Variants in FOXO1 observed in about 807,000 individuals in gnomAD.
FOXO1 encodes the protein forkhead box O1.
In FOXO1, 6 loss-of-function variants were observed where a neutral mutation model predicts 44.1. The observed-to-expected ratio is 0.14, with a 90% CI of 0.07 to 0.27. FOXO1 has a LOEUF of 0.27. Among genes scored for constraint, FOXO1 ranks in the 10% least tolerant of loss-of-function variants. FOXO1 has a pLI of 1.00. For missense variants in FOXO1, 737 were observed against 888.8 expected (o/e 0.83, Z 2.17); for synonymous variants, 380 against 362.7 (o/e 1.05, Z -0.54).
chr13:40,639,185 G>A (rs1473398962), intron 1 of FOXO1, among the ~76,000 whole-genome samples: 1 of 151,926 alleles, frequency 6.6e-6, no homozygotes, highest in Non-Finnish European at 1.5e-5. Context: ...GGCAACAAGA[G>A]GGAAACTCTG....
intron 1 of FOXO1, among the ~76,000 whole-genome samples, chr13:40,613,367 T>C (rs1876303692): frequency 6.6e-6 from 1 of 152,208 alleles, no homozygotes; most frequent in Non-Finnish European, 1.5e-5. Context: ...CCCTTTACAA[T>C]CTGCTTCTCC....
At position 40,558,826 on chromosome 13, in the gene FOXO1, C is replaced by T. The variant is rs1239172990; in HGVS notation, c.*223G>A. Reference sequence around the variant, plus strand: ...TTTCCAATGGCACAGTCCTTATCTACAGCAGCACATAACCTGCACACATTG... The same window carrying T: ...TTTCCAATGGCACAGTCCTTATCTATAGCAGCACATAACCTGCACACATTG... On this transcript the variant is annotated 3_prime_UTR_variant, in exon 3 of 3. Coordinates refer to ENST00000379561, the MANE Select transcript of FOXO1 (RefSeq NM_002015.4). 3 of 398,622 alleles carry T rather than the reference C, an allele frequency of 7.5e-6. No individual in the cohort carries two copies. The highest frequency in any genetic ancestry group is 3.6e-5 in the East Asian group (1 of 28,060). 24.7% of individuals were successfully genotyped at this position (398,622 alleles called of 1,614,324 possible). A position where few individuals can be genotyped will look rare whatever the true frequency, so the allele number is the denominator to read the frequency against.
intron 1 of FOXO1, among the ~76,000 whole-genome samples, chr13:40,628,941 C>T (rs538956000): frequency 1.3e-5 from 2 of 152,230 alleles, no homozygotes; most frequent in Non-Finnish European, 1.5e-5. Context: ...TTTACAAGTG[C>T]ATCTCGGGAA....
rs540305258 is a variant in FOXO1 at position 40,662,414 on chromosome 13, C to G, written c.630+3169G>C. ...AGGCTTTCTATGTGAAAAAACAGGTCATGGAAATGAAGTTTCATTATTTAT... is the reference window on the plus strand; with the variant it reads ...AGGCTTTCTATGTGAAAAAACAGGTGATGGAAATGAAGTTTCATTATTTAT... On this transcript the variant is annotated intron_variant, in intron 1 of 2. Transcript: ENST00000379561. 2.0e-5 allele frequency among the ~76,000 whole-genome samples: 3 copies of G among 152,102 alleles called. No individual in the cohort carries two copies. In the East Asian group the frequency reaches 5.8e-4, roughly 29 times the overall value.
At chr13:40,642,251 T>C (rs1475183321) in intron 1 of FOXO1, among the ~76,000 whole-genome samples, 12 of 152,168 alleles carry the variant, frequency 7.9e-5, no homozygotes, top group Non-Finnish European at 4.4e-5. Context: ...CTATAGATTT[T>C]TTTCACATTC....
intron 1 of FOXO1, among the ~76,000 whole-genome samples, chr13:40,580,115 A>C (rs1274345365): frequency 6.6e-6 from 1 of 152,162 alleles, no homozygotes; most frequent in Non-Finnish European, 1.5e-5. Context: ...AAGAAAGAGC[A>C]TTTTACCTTT....
At chr13:40,630,611 C>T (rs1039670787) in intron 1 of FOXO1, among the ~76,000 whole-genome samples, 16 of 151,250 alleles carry the variant, frequency 1.1e-4, no homozygotes, top group East Asian at 9.7e-4. Flanking sequence ...GCCGAGATCG[C>T]GCCACTGCAC....
At chr13:40,591,482 C>A (rs1875367536) in intron 1 of FOXO1, among the ~76,000 whole-genome samples, 1 of 152,102 alleles carries the variant, frequency 6.6e-6, no homozygotes, top group Non-Finnish European at 1.5e-5. Context: ...TACAAAGCAG[C>A]CAGAGGCCCA....
chr13:40,660,948 A>AAACAAC lies in FOXO1; in HGVS notation c.630+4629_630+4634dup, dbSNP rs138057018. ...AACAGAGTGAGACCCTGGCTCAGAA[A>AAACAAC]AACAACAACAACAACAACAACAACA... On this transcript the variant is annotated intron_variant, in intron 1 of 2. Coordinates refer to ENST00000379561, the MANE Select transcript of FOXO1 (RefSeq NM_002015.4). Among the ~76,000 whole-genome samples the AAACAAC allele has an allele frequency of 8.4e-3, 1,255 of 149,398 alleles. 12 individuals carry two copies. The highest frequency in any genetic ancestry group is 0.027 in the Middle Eastern group (8 of 294).
chr13:40,577,064 T>C (rs1408337232), intron 1 of FOXO1, among the ~76,000 whole-genome samples: 1 of 152,198 alleles, frequency 6.6e-6, no homozygotes, highest in African/African-American at 2.4e-5. Context: ...CATTAGTCAG[T>C]ACCCTGGTGG....
intron 1 of FOXO1, among the ~76,000 whole-genome samples, chr13:40,628,701 G>A (rs374265161): frequency 6.6e-6 from 1 of 152,192 alleles, no homozygotes; most frequent in African/African-American, 2.4e-5. Context: ...AGAAGCAGAT[G>A]AGACCTGGTG....
chr13:40,614,884 G>A (rs1876366602), intron 1 of FOXO1, among the ~76,000 whole-genome samples: 1 of 152,146 alleles, frequency 6.6e-6, no homozygotes, highest in Non-Finnish European at 1.5e-5. Context: ...CTCCTGAAAG[G>A]CTCATCCCTT....
rs544376335 is a variant in FOXO1 at position 40,575,925 on chromosome 13, C to G, written c.631-15065G>C. 1.5e-4 allele frequency among the ~76,000 whole-genome samples: 23 copies of G among 152,338 alleles called. 1 individual carries two copies. In the East Asian group the frequency reaches 4.4e-3, roughly 29 times the overall value. Reference sequence around the variant, plus strand: ...TGGGAATTCTTGAGGTAGGGCAGAGCATGAACCAATGTTGACAGACAAACT... The same window carrying G: ...TGGGAATTCTTGAGGTAGGGCAGAGGATGAACCAATGTTGACAGACAAACT... On this transcript the variant is annotated intron_variant, in intron 1 of 2. Transcript: ENST00000379561.
At chr13:40,603,923 T>G (rs1236680649) in intron 1 of FOXO1, among the ~76,000 whole-genome samples, 1 of 152,220 alleles carries the variant, frequency 6.6e-6, no homozygotes, top group East Asian at 1.9e-4. Context: ...AGAGCTTAGC[T>G]TTAGCAGTCA....
At chr13:40,580,389 A>ACTAGTGGC (rs1264125024) in intron 1 of FOXO1, among the ~76,000 whole-genome samples, 1 of 152,166 alleles carries the variant, frequency 6.6e-6, no homozygotes, top group Non-Finnish European at 1.5e-5. Context: ...TTTACACAAA[A>ACTAGTGGC]CTAGTGGCTG....
chr13:40,643,627 A>C (rs866454517), intron 1 of FOXO1, among the ~76,000 whole-genome samples: 1 of 152,202 alleles, frequency 6.6e-6, no homozygotes, highest in African/African-American at 2.4e-5. Flanking sequence ...CTACACAATT[A>C]CTAGGAATGC....
Position 40,595,721 on chromosome 13 carries a change from C to T in FOXO1, c.631-34861G>A, listed in dbSNP as rs193043942. Among the ~76,000 whole-genome samples, 223 of 152,202 alleles carry T rather than the reference C, an allele frequency of 1.5e-3. 1 individual carries two copies. Among genetic ancestry groups the T allele is most frequent in the Non-Finnish European group, 2.7e-3 (184 of 68,016 alleles). ...TGAACACAGAATCTCCATCCTTGAA[C>T]GGTTAACAAAATGACCCACCCTGAT... On this transcript the variant is annotated intron_variant, in intron 1 of 2. Transcript: ENST00000379561.
chr13:40,656,261 A>G (rs1236068121), intron 1 of FOXO1, among the ~76,000 whole-genome samples: 1 of 152,240 alleles, frequency 6.6e-6, no homozygotes, highest in East Asian at 1.9e-4. Flanking sequence ...TCTAATATTT[A>G]GCTAAGGCAA....
intron 1 of FOXO1, among the ~76,000 whole-genome samples, chr13:40,664,333 T>C (rs982386084): frequency 9.2e-5 from 14 of 152,014 alleles, no homozygotes; most frequent in Admixed American, 6.5e-5. Context: ...CCGCCACCGG[T>C]GACAGTGAGA....
Sources: gnomAD v4.1 joint callset for allele counts (sites outside exome capture counted in the v4.1 genomes callset) on GRCh38, gnomAD v4.1.1 for gene constraint, MANE v1.5 for transcripts, NCBI Gene and HGNC (gene_info 2026-07-23, HGNC 2026-07-21) for gene names.